The following KMT2C variants were observed in gnomAD, a reference collection of about 807,000 sequenced individuals.
KMT2C encodes lysine methyltransferase 2C.
In KMT2C, 88 loss-of-function variants were observed where a neutral mutation model predicts 507.9. The ratio of observed to expected loss-of-function variants is 0.17; its 90% confidence interval spans 0.15 to 0.21. The LOEUF is 0.21. Among genes scored for constraint, KMT2C ranks in the 10% least tolerant of loss-of-function variants. KMT2C has a pLI of 1.00. For missense variants in KMT2C, 4,954 were observed against 5,957.8 expected (o/e 0.83, Z 5.55); for synonymous variants, 2,049 against 2,080.8 (o/e 0.98, Z 0.42).
chr7:152,265,242 T>C (rs2129173671), intron 7 of KMT2C, 33 bp from the exon 8 acceptor site: 5 of 1,608,310 alleles, frequency 3.1e-6, no homozygotes, highest in African/African-American at 1.3e-5. Context: ...GAAATTGTTG[T>C]ATAAGAATTT....
intron 1 of KMT2C, among the ~76,000 whole-genome samples, chr7:152,382,295 T>A (rs1267306859): frequency 6.6e-6 from 1 of 152,196 alleles, no homozygotes; most frequent in Non-Finnish European, 1.5e-5. Flanking sequence ...GATCTAGCCA[T>A]GTTCTATAAA....
At chr7:152,203,515 T>G (rs1253870547) in intron 25 of KMT2C, among the ~76,000 whole-genome samples, 3 of 152,138 alleles carry the variant, frequency 2.0e-5, no homozygotes, top group African/African-American at 4.8e-5. Context: ...TTCAGAAATT[T>G]ATTATAAATT....
intron 24 of KMT2C, among the ~76,000 whole-genome samples, chr7:152,206,263 T>C (rs1034456406): frequency 6.6e-6 from 1 of 151,846 alleles, no homozygotes; most frequent in Non-Finnish European, 1.5e-5. Context: ...AATTAGAGGG[T>C]TGACTTCCAT....
At chr7:152,299,101 C>A (rs1450645865) in intron 6 of KMT2C, among the ~76,000 whole-genome samples, 4 of 152,000 alleles carry the variant, frequency 2.6e-5, no homozygotes, top group Non-Finnish European at 5.9e-5. Context: ...AAGCGGATCA[C>A]AAGGTCAGGA....
Position 152,163,091 on chromosome 7 carries a change from G to A in KMT2C, c.10486C>T (p.Pro3496Ser), listed in dbSNP as rs762705163. The A allele has an allele frequency of 6.2e-7, 1 of 1,614,224 alleles. No individual in the cohort carries two copies. Among genetic ancestry groups the A allele is most frequent in the African/African-American group, 1.3e-5 (1 of 75,062 alleles). Residue 3496 changes from proline (P) to serine (S), a missense_variant, in exon 43 of 59, where the codon CCC (proline) becomes TCC (serine). Pro to Ser is a moderately conservative substitution (Grantham distance 74). Transcript: ENST00000262189. Reference protein sequence around the residue: ...QNIQQGSINSPSTQTFMQTNE... With the variant: ...QNIQQGSINSSSTQTFMQTNE... ...GTCTGCATGAAAGTTTGGGTGGAGGGTGAATTAATTGATCCTTGTTGTATA... is the reference window on the plus strand; with the variant it reads ...GTCTGCATGAAAGTTTGGGTGGAGGATGAATTAATTGATCCTTGTTGTATA...
intron 6 of KMT2C, among the ~76,000 whole-genome samples, chr7:152,278,962 CAT>C: frequency 6.6e-6 from 1 of 152,390 alleles, no homozygotes; most frequent in Middle Eastern, 3.4e-3. Context: ...CAAACAGACA[CAT>C]AAAATACACA....
chr7:152,226,198 G>A (rs1349205357), intron 18 of KMT2C, among the ~76,000 whole-genome samples: 1 of 140,748 alleles, frequency 7.1e-6, no homozygotes, highest in Admixed American at 7.2e-5. Context: ...TAAGACAAGA[G>A]TTGGTTGTTC....
chr7:152,290,371 C>T (rs2096407600), intron 6 of KMT2C, among the ~76,000 whole-genome samples: 1 of 130,778 alleles, frequency 7.6e-6, no homozygotes, highest in Non-Finnish European at 1.6e-5. Context: ...AGTGCAGTGG[C>T]ACAATCTCGG....
intron 6 of KMT2C, among the ~76,000 whole-genome samples, chr7:152,303,098 C>A (rs974692238): frequency 1.3e-5 from 2 of 152,146 alleles, no homozygotes. Context: ...CGACGTTACC[C>A]TTCCTGAAAC....
chr7:152,330,349 T>C, intron 3 of KMT2C, among the ~76,000 whole-genome samples: 1 of 152,084 alleles, frequency 6.6e-6, no homozygotes, highest in East Asian at 1.9e-4. Flanking sequence ...AGCACATTGG[T>C]AATATTCTGT....
At chr7:152,398,077 T>C (rs574924475) in intron 1 of KMT2C, among the ~76,000 whole-genome samples, 1 of 152,328 alleles carries the variant, frequency 6.6e-6, no homozygotes, top group South Asian at 2.1e-4. Flanking sequence ...CTTAGCCACA[T>C]GCGTTCTCTC....
intron 1 of KMT2C, among the ~76,000 whole-genome samples, chr7:152,408,728 G>A (rs2097649227): frequency 6.6e-6 from 1 of 151,508 alleles, no homozygotes; most frequent in Non-Finnish European, 1.5e-5. Context: ...CTCCCCCTGG[G>A]GTCTGTGGAA....
intron 1 of KMT2C, among the ~76,000 whole-genome samples, chr7:152,390,672 A>C (rs1227257247): frequency 3.9e-5 from 6 of 152,166 alleles, no homozygotes; most frequent in African/African-American, 1.4e-4. Context: ...TCAAGGTCAT[A>C]CAACTAAGAA....
At chr7:152,280,789 G>A (rs1007575249) in intron 6 of KMT2C, among the ~76,000 whole-genome samples, 21 of 152,118 alleles carry the variant, frequency 1.4e-4, no homozygotes, top group African/African-American at 4.8e-4. Flanking sequence ...ATAACAAACA[G>A]AGCAGCATTT....
In KMT2C at chr7:152,263,243, T is replaced by TA. The variant is rs1375041956; in HGVS notation, c.1185-114dup. ...ACTGCACAGTTCATAAATACCTCAGTATCTGTTTTGTCTCTGCAGATAGTA... is the reference window on the plus strand; with the variant it reads ...ACTGCACAGTTCATAAATACCTCAGTAATCTGTTTTGTCTCTGCAGATAGTA... On this transcript the variant is annotated intron_variant, in intron 8 of 58. Coordinates refer to ENST00000262189, the MANE Select transcript of KMT2C (RefSeq NM_170606.3). 1.2e-5 allele frequency: 10 copies of TA among 828,224 alleles called. No homozygotes were observed. In the African/African-American group the frequency reaches 1.7e-4, roughly 14 times the overall value. The allele number at this position is 828,224 out of a possible 1,614,324, so 51.3% of individuals were successfully genotyped here. A position where few individuals can be genotyped will look rare whatever the true frequency, so the allele number is the denominator to read the frequency against.
chr7:152,249,673 C>CAAA lies in KMT2C; in HGVS notation c.1813+200_1813+202dup, dbSNP rs1183345172. Among the ~76,000 whole-genome samples, 344 of 34,480 alleles carry CAAA rather than the reference C, an allele frequency of 1.0e-2. 16 individuals carry two copies. Among genetic ancestry groups the CAAA allele is most frequent in the African/African-American group, 0.02 (297 of 15,014 alleles). The allele number at this position is 34,480 out of a possible 152,430, so 22.6% of individuals were successfully genotyped here. On this transcript the variant is annotated intron_variant, in intron 13 of 58. Coordinates refer to ENST00000262189, the MANE Select transcript of KMT2C (RefSeq NM_170606.3). ...ATTTTTAATCATGACCTCCCCCCTCCAAAAAAAAAAAAAAAAAAAAAAAAA... is the reference window on the plus strand; with the variant it reads ...ATTTTTAATCATGACCTCCCCCCTCCAAAAAAAAAAAAAAAAAAAAAAAAAAAA...
intron 40 of KMT2C, among the ~76,000 whole-genome samples, chr7:152,169,660 T>C (rs2092875104): frequency 6.6e-6 from 1 of 152,166 alleles, no homozygotes; most frequent in Non-Finnish European, 1.5e-5. Context: ...ACAGCATGGT[T>C]ATTTATAACA....
At chr7:152,317,057 G>A (rs2129203711) in intron 3 of KMT2C, among the ~76,000 whole-genome samples, 1 of 152,252 alleles carries the variant, frequency 6.6e-6, no homozygotes, top group East Asian at 1.9e-4. Context: ...AACATTGATT[G>A]TAACAGCACT....
chr7:152,243,025 T>C (rs2095413156), intron 14 of KMT2C, among the ~76,000 whole-genome samples: 1 of 152,220 alleles, frequency 6.6e-6, no homozygotes, highest in Admixed American at 6.5e-5. Flanking sequence ...AGTTTGTCTT[T>C]TTGGTAAATA....
Sources: gnomAD v4.1 joint callset for allele counts (sites outside exome capture counted in the v4.1 genomes callset) on GRCh38, gnomAD v4.1.1 for gene constraint, MANE v1.5 for transcripts, NCBI Gene and HGNC (gene_info 2026-07-23, HGNC 2026-07-21) for gene names.